The following C12orf42 variants were observed in gnomAD, a reference collection of about 807,000 sequenced individuals.
C12orf42 encodes chromosome 12 open reading frame 42.
In C12orf42, 25 loss-of-function variants were observed where a neutral mutation model predicts 21.6. That is an observed-to-expected ratio of 1.16 (90% CI 0.84 to 1.62). The LOEUF is 1.62. C12orf42 is among the 40% of genes most tolerant of loss of function. The pLI is 0.00. For missense variants in C12orf42, 483 were observed against 459.3 expected, an observed-to-expected ratio of 1.05 and a Z score of -0.47; for synonymous variants, 174 against 175.0, an observed-to-expected ratio of 0.99 and a Z score of 0.05.
the C12orf42 span, among the ~76,000 whole-genome samples, chr12:103,124,590 G>A: frequency 2.6e-5 from 4 of 152,250 alleles, no homozygotes; most frequent in East Asian, 3.9e-4. Context: ...ATAAGAGATG[G>A]ATCTGCGGTG....
At chr12:103,140,687 T>C in the C12orf42 span, among the ~76,000 whole-genome samples, 1 of 152,154 alleles carries the variant, frequency 6.6e-6, no homozygotes, top group Non-Finnish European at 1.5e-5. Flanking sequence ...ATGCTTTGAT[T>C]GAGGCAGAGA....
the C12orf42 span, among the ~76,000 whole-genome samples, chr12:103,053,283 T>A: frequency 2.0e-5 from 3 of 151,978 alleles, no homozygotes; most frequent in Non-Finnish European, 2.9e-5. Context: ...TAAATATTAT[T>A]GCACAATATC....
At chr12:103,322,111 GTGCGCGCGCGCGCGCA>G (rs1566077544) in intron 4 of C12orf42, among the ~76,000 whole-genome samples, 4 of 65,016 alleles carry the variant, frequency 6.2e-5, no homozygotes, top group African/African-American at 3.7e-4. Context: ...ACGCGCGTGC[GTGCGCGCGCGCGCGCA>G]CACACACACA....
intron 10 of C12orf42, among the ~76,000 whole-genome samples, chr12:103,260,558 T>C (rs1242748540): frequency 6.6e-6 from 1 of 152,202 alleles, no homozygotes; most frequent in Non-Finnish European, 1.5e-5. Flanking sequence ...TGCTAACTAG[T>C]GGCAAAGAGT....
chr12:103,369,809 A>G (rs1448094087), intron 3 of C12orf42, among the ~76,000 whole-genome samples: 2 of 152,154 alleles, frequency 1.3e-5, no homozygotes, highest in Non-Finnish European at 2.9e-5. Context: ...CATTCTGGAC[A>G]TAGGACTTGG....
intron 4 of C12orf42, among the ~76,000 whole-genome samples, chr12:103,366,111 T>C (rs1179162708): frequency 6.6e-6 from 1 of 151,594 alleles, no homozygotes; most frequent in Non-Finnish European, 1.5e-5. Flanking sequence ...AATATAAAAA[T>C]ATGCACATAG....
At chr12:103,089,619 CTGTGTGTGTGTGTGTGTG>C in the C12orf42 span, among the ~76,000 whole-genome samples, 2 of 145,484 alleles carry the variant, frequency 1.4e-5, no homozygotes, top group Non-Finnish European at 3.0e-5. Context: ...GTGTGTGTGT[CTGTGTGTGTGTGTGTGTG>C]TGTGTGTGTG....
the C12orf42 span, among the ~76,000 whole-genome samples, chr12:103,231,659 C>A: frequency 1.3e-5 from 2 of 152,038 alleles, no homozygotes; most frequent in Admixed American, 6.5e-5. Context: ...TTTTAGCACT[C>A]ATCATGATAC....
At chr12:103,560,058 T>C in the C12orf42 span, among the ~76,000 whole-genome samples, 7 of 152,186 alleles carry the variant, frequency 4.6e-5, no homozygotes, top group African/African-American at 1.2e-4. Flanking sequence ...TTATAGAAAA[T>C]GTAGACTTTA....
At chr12:103,070,929 A>G in the C12orf42 span, among the ~76,000 whole-genome samples, 1 of 152,208 alleles carries the variant, frequency 6.6e-6, no homozygotes, top group Non-Finnish European at 1.5e-5. Context: ...AAGATTTCCT[A>G]AATATATCAT....
chr12:103,543,889 TTG>T, the C12orf42 span, among the ~76,000 whole-genome samples: 560 of 88,036 alleles, frequency 6.4e-3, no homozygotes, highest in South Asian at 0.027. Context: ...GGTTTTTTTT[TTG>T]TTTTGTTTTT....
the C12orf42 span, among the ~76,000 whole-genome samples, chr12:103,078,162 C>T: frequency 6.6e-6 from 1 of 152,010 alleles, no homozygotes; most frequent in African/African-American, 2.4e-5. Context: ...GTATTAATTG[C>T]CTTTTATGTA....
the C12orf42 span, among the ~76,000 whole-genome samples, chr12:103,099,708 C>T: frequency 6.6e-6 from 1 of 152,116 alleles, no homozygotes; most frequent in African/African-American, 2.4e-5. Flanking sequence ...ACTTGGGAAA[C>T]CATTTTCTAG....
the C12orf42 span, among the ~76,000 whole-genome samples, chr12:103,172,340 G>C: frequency 6.6e-6 from 1 of 152,098 alleles, no homozygotes; most frequent in African/African-American, 2.4e-5. Context: ...TGACAAGATG[G>C]TGTCAGGAAG....
the C12orf42 span, among the ~76,000 whole-genome samples, chr12:103,051,428 T>C: frequency 1.3e-5 from 2 of 152,176 alleles, no homozygotes; most frequent in African/African-American, 4.8e-5. Flanking sequence ...GGAGAGATTA[T>C]CTCTGGAGAG....
At chr12:103,234,136 G>A (rs116539616), downstream of C12orf42, among the ~76,000 whole-genome samples, 971 of 152,162 alleles carry the variant, frequency 6.4e-3, 8 homozygotes, top group African/African-American at 0.022. Context: ...CCTGAGCCTT[G>A]GCATCCCTGG....
chr12:103,088,201 A>G, the C12orf42 span, among the ~76,000 whole-genome samples: 1 of 152,246 alleles, frequency 6.6e-6, no homozygotes, highest in Non-Finnish European at 1.5e-5. Flanking sequence ...CTTCAGATGT[A>G]CACTTCTGTG....
At chr12:103,113,317 T>C in the C12orf42 span, among the ~76,000 whole-genome samples, 1 of 152,158 alleles carries the variant, frequency 6.6e-6, no homozygotes, top group Non-Finnish European at 1.5e-5. Flanking sequence ...CAAACATGTT[T>C]AGCCCAAAGG....
At chr12:103,557,494 T>G in the C12orf42 span, 1 of 152,264 alleles carries the variant, frequency 6.6e-6, no homozygotes, top group Non-Finnish European at 1.5e-5. Context: ...AGGTCTCCTC[T>G]GGTCACCAGA....
Sources: gnomAD v4.1 joint callset for allele counts (sites outside exome capture counted in the v4.1 genomes callset) on GRCh38, gnomAD v4.1.1 for gene constraint, MANE v1.5 for transcripts, NCBI Gene and HGNC (gene_info 2026-07-23, HGNC 2026-07-21) for gene names.